Variants in COBLL1 observed in about 807,000 individuals in gnomAD.
COBLL1 encodes cordon-bleu WH2 repeat protein like 1.
Under a neutral mutation model 94.8 loss-of-function variants are expected in COBLL1, and 50 were observed. That is an observed-to-expected ratio of 0.53 (90% confidence interval 0.42 to 0.67). COBLL1 has a LOEUF of 0.67. Ranked by LOEUF, COBLL1 falls within the 30% of genes least tolerant of loss-of-function variation. The pLI is 0.00. For missense variants in COBLL1, 1,362 were observed against 1,348.7 expected, an observed-to-expected ratio of 1.01 and a Z score of -0.15; for synonymous variants, 448 against 473.8, an observed-to-expected ratio of 0.95 and a Z score of 0.71.
chr2:164,803,374 G>C (rs1386889380), intron 2 of COBLL1, among the ~76,000 whole-genome samples: 1 of 151,466 alleles, frequency 6.6e-6, no homozygotes, highest in Non-Finnish European at 1.5e-5. Context: ...GACCATCCCG[G>C]CTAAAACGGT....
intron 2 of COBLL1, among the ~76,000 whole-genome samples, chr2:164,799,885 T>C (rs1016209397): frequency 6.6e-5 from 10 of 152,308 alleles, no homozygotes; most frequent in Non-Finnish European, 1.2e-4. Flanking sequence ...ATAATTGGAC[T>C]GTATGCTAAA....
At chr2:164,800,337 G>A (rs1683703492) in intron 2 of COBLL1, among the ~76,000 whole-genome samples, 1 of 152,124 alleles carries the variant, frequency 6.6e-6, no homozygotes, top group Admixed American at 6.5e-5. Flanking sequence ...AACATCAAGT[G>A]CCTTTATGAA....
At chr2:164,830,559 T>C (rs1237150196) in intron 2 of COBLL1, among the ~76,000 whole-genome samples, 1 of 152,244 alleles carries the variant, frequency 6.6e-6, no homozygotes, top group Non-Finnish European at 1.5e-5. Context: ...TTTAAGATTA[T>C]ACTACTTATA....
chr2:164,719,807 T>C (rs1288073486), intron 7 of COBLL1, among the ~76,000 whole-genome samples: 1 of 152,154 alleles, frequency 6.6e-6, no homozygotes, highest in East Asian at 1.9e-4. Context: ...ACCACTACAG[T>C]TGAGAACCAT....
At chr2:164,809,326 T>C (rs934643915) in intron 2 of COBLL1, among the ~76,000 whole-genome samples, 2 of 152,034 alleles carry the variant, frequency 1.3e-5, no homozygotes, top group African/African-American at 4.8e-5. Flanking sequence ...CATTATTAAG[T>C]ACCAAACATA....
At chr2:164,777,183 ATTTTT>A (rs56230408) in intron 2 of COBLL1, among the ~76,000 whole-genome samples, 4 of 151,720 alleles carry the variant, frequency 2.6e-5, no homozygotes, top group African/African-American at 9.7e-5. Flanking sequence ...TTGTAGCTTG[ATTTTT>A]TTTTTATTTT....
At chr2:164,729,177 C>T (rs3884521) in intron 4 of COBLL1, among the ~76,000 whole-genome samples, 1 of 151,260 alleles carries the variant, frequency 6.6e-6, no homozygotes, top group East Asian at 1.9e-4. Flanking sequence ...CAAAAACTCA[C>T]CTTCTTTGAA....
At chr2:164,805,366 A>T (rs1393038051) in intron 2 of COBLL1, among the ~76,000 whole-genome samples, 66 of 42,602 alleles carry the variant, frequency 1.5e-3, no homozygotes, top group Non-Finnish European at 2.0e-3. Flanking sequence ...TATATATAAA[A>T]CTAAAGTTCA....
intron 2 of COBLL1, among the ~76,000 whole-genome samples, chr2:164,815,316 T>C (rs1684669956): frequency 6.6e-6 from 1 of 151,656 alleles, no homozygotes; most frequent in Admixed American, 6.6e-5. Context: ...TGAGAATTCC[T>C]TGAACCCAGG....
At chr2:164,708,720 T>C (rs1173287272) in intron 7 of COBLL1, among the ~76,000 whole-genome samples, 1 of 152,242 alleles carries the variant, frequency 6.6e-6, no homozygotes, top group Non-Finnish European at 1.5e-5. Context: ...TCCACTCCTA[T>C]GGCAGATCTA....
intron 2 of COBLL1, among the ~76,000 whole-genome samples, chr2:164,766,617 T>C (rs947276060): frequency 2.0e-5 from 3 of 152,160 alleles, no homozygotes; most frequent in Non-Finnish European, 2.9e-5. Context: ...CATGAGCCAA[T>C]TAAACCTCTT....
At chr2:164,777,647 T>C (rs1237845907) in intron 2 of COBLL1, among the ~76,000 whole-genome samples, 1 of 152,200 alleles carries the variant, frequency 6.6e-6, no homozygotes, top group Admixed American at 6.5e-5. Context: ...CCATGAATAG[T>C]AAGCTTAATA....
In COBLL1 at chr2:164,797,031, G is replaced by A. The variant is rs527444438; in HGVS notation, c.41+44125C>T. ...TTTAGTGTCAATAAAATTAGCTGAC[G>A]AAAAATATTAATTGAAACAATTTCA... On this transcript the variant is annotated intron_variant, in intron 2 of 13. Transcript: ENST00000652658. 1.2e-4 allele frequency among the ~76,000 whole-genome samples: 19 copies of A among 152,180 alleles called. 1 individual carries two copies. In the South Asian group the frequency reaches 1.5e-3, roughly 12 times the overall value.
At chr2:164,775,696 T>C (rs355872) in intron 2 of COBLL1, among the ~76,000 whole-genome samples, 35,441 of 152,048 alleles carry the variant, frequency 0.23, 4,789 homozygotes, top group African/African-American at 0.37. Context: ...TCAAGTGATC[T>C]GCCAGCCTTG....
intron 2 of COBLL1, among the ~76,000 whole-genome samples, chr2:164,788,534 G>C (rs35734740): frequency 0.03 from 4,596 of 152,214 alleles, 100 homozygotes; most frequent in Non-Finnish European, 0.047. Context: ...AACAGAAATA[G>C]GAGATACTAT....
chr2:164,708,936 AT>A (rs1381191980), intron 7 of COBLL1, among the ~76,000 whole-genome samples: 1 of 152,212 alleles, frequency 6.6e-6, no homozygotes, highest in Admixed American at 6.5e-5. Flanking sequence ...AAAAGCAGCC[AT>A]GACATGAATT....
chr2:164,703,810 T>C (rs1303097129), intron 9 of COBLL1: 2 of 218,838 alleles, frequency 9.1e-6, no homozygotes, highest in Non-Finnish European at 1.0e-5. Context: ...ATCACATTCA[T>C]TGATGTCTAA....
At chr2:164,713,785 A>G (rs997821206) in intron 7 of COBLL1, among the ~76,000 whole-genome samples, 3 of 152,122 alleles carry the variant, frequency 2.0e-5, no homozygotes, top group Admixed American at 2.0e-4. Flanking sequence ...TCAATGTTTT[A>G]TTTTGTTATT....
intron 2 of COBLL1, among the ~76,000 whole-genome samples, chr2:164,747,332 C>T (rs1430268682): frequency 6.6e-6 from 1 of 152,162 alleles, no homozygotes; most frequent in African/African-American, 2.4e-5. Flanking sequence ...CAGTGAACTC[C>T]TCTCACTCAC....
Sources: gnomAD v4.1 joint callset for allele counts (sites outside exome capture counted in the v4.1 genomes callset) on GRCh38, gnomAD v4.1.1 for gene constraint, MANE v1.5 for transcripts, NCBI Gene and HGNC (gene_info 2026-07-23, HGNC 2026-07-21) for gene names.